BIRC6: variants seen among roughly 807,000 people sequenced by gnomAD.
BIRC6 encodes baculoviral IAP repeat containing 6.
BIRC6 carries 98 observed loss-of-function variants against 503.3 expected under a neutral mutation model. The observed-to-expected ratio is 0.19, with a 90% CI of 0.17 to 0.23. The LOEUF (loss-of-function observed/expected upper bound fraction) is 0.23, where lower values mean the gene tolerates loss of function less well. Among genes scored for constraint, BIRC6 ranks in the 10% least tolerant of loss-of-function variants. The pLI is 1.00. For missense variants in BIRC6, 5,360 were observed against 5,806.0 expected (o/e 0.92, Z 2.50); for synonymous variants, 2,240 against 2,078.7 (o/e 1.08, Z -2.11).
intron 26 of BIRC6, among the ~76,000 whole-genome samples, chr2:32,467,295 C>G (rs956755213): frequency 1.3e-5 from 2 of 152,168 alleles, no homozygotes; most frequent in Non-Finnish European, 2.9e-5. Context: ...CTGTGCCCAG[C>G]TACTCTTAAT....
intron 11 of BIRC6, 87 bp downstream of exon 11, chr2:32,429,382 A>G: frequency 9.5e-7 from 1 of 1,052,392 alleles, no homozygotes; most frequent in Non-Finnish European, 1.3e-6. Flanking sequence ...TAAACATATT[A>G]AAGTAAGAAG....
Position 32,395,508 on chromosome 2 carries a change from C to T in BIRC6, c.952-3C>T. On this transcript the variant is annotated splice_polypyrimidine_tract_variant and splice_region_variant and intron_variant, in intron 5 of 73. Coordinates refer to ENST00000421745, the MANE Select transcript of BIRC6 (RefSeq NM_016252.4). ...TCTGTCTCTTTTCTTTATAATTTTG[C>T]AGCCTGCCTCATCTGGAGATGATAG... The T allele has an allele frequency of 6.3e-7, 1 of 1,599,364 alleles. No individual in the cohort carries two copies. Among genetic ancestry groups the T allele is most frequent in the Non-Finnish European group, 8.5e-7 (1 of 1,169,670 alleles).
Position 32,465,078 on chromosome 2 carries a change from C to A in BIRC6, c.5270C>A (p.Ser1757Tyr). ...SNKSRMNPLGSGLALAISHAS... is the reference protein window; with the variant it reads ...SNKSRMNPLGYGLALAISHAS... ...TCCCTGCTCTAGAATCCACTTGGTTCTGGTCTAGCCCTTGCAATTTCTCAT... is the reference window on the plus strand; with the variant it reads ...TCCCTGCTCTAGAATCCACTTGGTTATGGTCTAGCCCTTGCAATTTCTCAT... The change falls in exon 26 of 74, where the codon TCT becomes TAT. Residue 1757 changes from serine (S) to tyrosine (Y), a missense_variant. This residue lies in a region of BIRC6 where 2,299 missense variants were observed against 2,267.2 expected (regional missense o/e 1.01). Transcript: ENST00000421745. 1 of 1,592,576 alleles carries A rather than the reference C, an allele frequency of 6.3e-7. No homozygotes were observed.
rs1010921575 is a variant in BIRC6, at chr2:32,469,753, T to C, written c.6347+139T>C. On this transcript the variant is annotated intron_variant, in intron 30 of 73. Transcript: ENST00000421745. Reference sequence around the variant, plus strand: ...ATCTCAGAGTTTGTGAAATGACCAGTGAAGGGCACCAGCACTGTGTATCGA... The same window carrying C: ...ATCTCAGAGTTTGTGAAATGACCAGCGAAGGGCACCAGCACTGTGTATCGA... The C allele has an allele frequency of 7.9e-6, 6 of 757,118 alleles. No individual in the cohort carries two copies. The African/African-American group carries it at 8.7e-5, about 11-fold the overall frequency. 46.9% of individuals were successfully genotyped at this position (757,118 alleles called of 1,614,324 possible).
At chr2:32,440,866 GAATCTCT>G (rs1425314885) in intron 16 of BIRC6, among the ~76,000 whole-genome samples, 1 of 151,866 alleles carries the variant, frequency 6.6e-6, no homozygotes, top group African/African-American at 2.4e-5. Context: ...GAGTTCAAGT[GAATCTCT>G]TGACTTAGCC....
intron 57 of BIRC6, 162 bp downstream of exon 57, chr2:32,519,108 T>C (rs1572768712): frequency 2.9e-6 from 2 of 691,166 alleles, no homozygotes; most frequent in South Asian, 2.4e-5. Flanking sequence ...GCCAGTCAAG[T>C]GGACAAAATG....
intron 9 of BIRC6, among the ~76,000 whole-genome samples, chr2:32,409,700 C>G (rs2041638083): frequency 1.3e-5 from 2 of 152,078 alleles, no homozygotes. Flanking sequence ...TAGATAAAAC[C>G]TAATTGCTTA....
intron 64 of BIRC6, 33 bp downstream of exon 64, chr2:32,548,047 A>T: frequency 1.3e-6 from 2 of 1,521,160 alleles, no homozygotes; most frequent in African/African-American, 2.8e-5. Flanking sequence ...GTTCATGATA[A>T]TGGCTTTTTT....
intron 22 of BIRC6, among the ~76,000 whole-genome samples, chr2:32,450,928 C>G (rs1480747606): frequency 6.6e-6 from 1 of 152,154 alleles, no homozygotes; most frequent in East Asian, 1.9e-4. Context: ...CTCAGCCATT[C>G]ATTTTTTTCC....
chr2:32,397,048 A>C (rs1045012434), intron 6 of BIRC6, among the ~76,000 whole-genome samples: 1 of 152,116 alleles, frequency 6.6e-6, no homozygotes, highest in African/African-American at 2.4e-5. Flanking sequence ...CAATTTTAAC[A>C]ATATACTGTA....
intron 65 of BIRC6, among the ~76,000 whole-genome samples, chr2:32,573,938 A>C (rs113385523): frequency 0.011 from 1,674 of 152,276 alleles, 35 homozygotes; most frequent in African/African-American, 0.038. Flanking sequence ...TATATGTAAT[A>C]TAACTAGATA....
chr2:32,493,153 TGA>T (rs2051962454), intron 44 of BIRC6, among the ~76,000 whole-genome samples: 1 of 151,976 alleles, frequency 6.6e-6, no homozygotes, highest in Non-Finnish European at 1.5e-5. Context: ...TCTCTGCTCC[TGA>T]GTTATTTGAT....
intron 59 of BIRC6, among the ~76,000 whole-genome samples, chr2:32,526,045 T>C (rs2056239477): frequency 6.6e-6 from 1 of 152,168 alleles, no homozygotes; most frequent in Admixed American, 6.5e-5. Context: ...TTGAGCACCA[T>C]CCTGTCTGTT....
At position 32,607,320 on chromosome 2, in the gene BIRC6, A is replaced by C. The variant is rs578063437; in HGVS notation, c.14071-135A>C. ...AATGAAATATTTCAATGTTATAATC[A>C]TAAACATTGATTTTATTGTGATAGA... On this transcript the variant is annotated intron_variant, in intron 71 of 73. Coordinates refer to ENST00000421745, the MANE Select transcript of BIRC6 (RefSeq NM_016252.4). 3.3e-5 allele frequency: 20 copies of C among 612,644 alleles called. 1 individual carries two copies. The South Asian group carries it at 8.7e-4, about 27-fold the overall frequency. The allele number at this position is 612,644 out of a possible 1,614,324, so 38.0% of individuals were successfully genotyped here.
intron 15 of BIRC6, among the ~76,000 whole-genome samples, chr2:32,438,166 T>A (rs1269983740): frequency 6.6e-6 from 1 of 152,230 alleles, no homozygotes. Flanking sequence ...TTTCTTAGAA[T>A]ATACTAAGAT....
chr2:32,452,785 C>A (rs1357555167), intron 22 of BIRC6, among the ~76,000 whole-genome samples: 1 of 151,978 alleles, frequency 6.6e-6, no homozygotes, highest in Non-Finnish European at 1.5e-5. Flanking sequence ...TCCTAATAAC[C>A]ACTAACATAG....
In BIRC6 at chr2:32,469,602, T is replaced by A; in HGVS notation, c.6335T>A (p.Phe2112Tyr). 1 of 1,612,406 alleles carries A rather than the reference T, an allele frequency of 6.2e-7. No individual in the cohort carries two copies. Among genetic ancestry groups the A allele is most frequent in the Non-Finnish European group, 8.5e-7 (1 of 1,178,632 alleles). ...ELYNSEQLLI[F>Y]PQDRVFMLLS... Reference sequence around the variant, plus strand: ...TACAATTCGGAACAGCTTCTCATCTTTCCACAGGATAGGTAGGTCAGAAAA... The same window carrying A: ...TACAATTCGGAACAGCTTCTCATCTATCCACAGGATAGGTAGGTCAGAAAA... The change falls in exon 30 of 74, where the codon TTT (phenylalanine) becomes TAT (tyrosine). Residue 2112 changes from phenylalanine (F) to tyrosine (Y), a missense_variant. Transcript: ENST00000421745.
chr2:32,372,991 G>A (rs2036198195), intron 1 of BIRC6, among the ~76,000 whole-genome samples: 1 of 152,152 alleles, frequency 6.6e-6, no homozygotes, highest in Non-Finnish European at 1.5e-5. Flanking sequence ...GGGCCATTTG[G>A]TAAGTTTGTG....
intron 4 of BIRC6, among the ~76,000 whole-genome samples, 184 bp downstream of exon 4, chr2:32,389,127 C>T (rs1440271589): frequency 6.6e-6 from 1 of 151,966 alleles, no homozygotes; most frequent in Non-Finnish European, 1.5e-5. Flanking sequence ...TAAACTGCTA[C>T]TTGAATTGCT....
Sources: gnomAD v4.1 joint callset for allele counts (sites outside exome capture counted in the v4.1 genomes callset) on GRCh38, gnomAD v4.1.1 for gene constraint, gnomAD v4.1.1 regional missense constraint, MANE v1.5 for transcripts, NCBI Gene and HGNC (gene_info 2026-07-23, HGNC 2026-07-21) for gene names.